HS6ST2: variants seen among roughly 807,000 people sequenced by gnomAD.
The protein encoded by HS6ST2 is heparan sulfate 6-O-sulfotransferase 2.
A neutral mutation model predicts 33.0 loss-of-function variants in HS6ST2; 17 were observed. That is an observed-to-expected ratio of 0.52 (90% CI 0.35 to 0.77). HS6ST2 has a LOEUF of 0.77. Ranked by LOEUF, HS6ST2 falls within the 30% of genes least tolerant of loss-of-function variation. The pLI is 0.01. For missense variants in HS6ST2, 519 were observed against 551.7 expected (o/e 0.94, Z 0.59); for synonymous variants, 248 against 237.1 (o/e 1.05, Z -0.42).
chrX:132,862,365 T>C (rs1406203617), intron 2 of HS6ST2, among the ~76,000 whole-genome samples: 1 of 112,104 alleles, frequency 8.9e-6, no homozygotes. Context: ...CAAATTTGGA[T>C]ACAAAAAGAG....
intron 4 of HS6ST2, among the ~76,000 whole-genome samples, chrX:132,642,220 G>A (rs936734271): frequency 9.0e-6 from 1 of 111,569 alleles, no homozygotes; most frequent in Non-Finnish European, 1.9e-5. Context: ...GACATGTGCT[G>A]TCTGGGAGGC....
At chrX:132,840,363 AT>A (rs758439928) in intron 2 of HS6ST2, among the ~76,000 whole-genome samples, 1 of 110,514 alleles carries the variant, frequency 9.0e-6, no homozygotes, top group Admixed American at 9.7e-5. Flanking sequence ...ATATTTTGGA[AT>A]GAGGCAAGCG....
At chrX:132,839,554 G>A (rs1430031231) in intron 2 of HS6ST2, among the ~76,000 whole-genome samples, 1 of 108,979 alleles carries the variant, frequency 9.2e-6, no homozygotes, top group East Asian at 2.9e-4. Flanking sequence ...GGGTGGGAGT[G>A]TGGGAAGGGG....
At position 132,890,856 on chromosome X, in the gene HS6ST2, A is replaced by G. The variant is rs774855941; in HGVS notation, c.947+65952T>C. Among the ~76,000 whole-genome samples, 48 of 111,281 alleles carry G rather than the reference A, an allele frequency of 4.3e-4. 1 individual carries two copies. The highest frequency in any genetic ancestry group is 1.5e-3 in the African/African-American group (46 of 30,644). Reference sequence around the variant, plus strand: ...TCTGCCTGGGCTTTGGCTGACAATCATCTGGAAAGTTATCTAAAAGGCCTA... The same window carrying G: ...TCTGCCTGGGCTTTGGCTGACAATCGTCTGGAAAGTTATCTAAAAGGCCTA... On this transcript the variant is annotated intron_variant, in intron 2 of 4. Coordinates refer to ENST00000370833, the MANE Select transcript of HS6ST2 (RefSeq NM_001394073.1).
intron 2 of HS6ST2, among the ~76,000 whole-genome samples, chrX:132,906,332 T>C (rs2148465795): frequency 8.9e-6 from 1 of 112,680 alleles, no homozygotes; most frequent in South Asian, 3.6e-4. Flanking sequence ...TGAAATGCAA[T>C]TGATTTTTGT....
At chrX:132,716,929 T>C (rs1300572022) in intron 2 of HS6ST2, among the ~76,000 whole-genome samples, 2 of 112,275 alleles carry the variant, frequency 1.8e-5, no homozygotes, top group Non-Finnish European at 1.9e-5. Context: ...GCTGCTACTC[T>C]ATGGAATCCA....
At chrX:132,924,174 A>T (rs1432956055) in intron 2 of HS6ST2, among the ~76,000 whole-genome samples, 1 of 112,111 alleles carries the variant, frequency 8.9e-6, no homozygotes, top group Non-Finnish European at 1.9e-5. Flanking sequence ...GTTGGAAACC[A>T]GGAATATTTA....
intron 2 of HS6ST2, among the ~76,000 whole-genome samples, chrX:132,846,984 C>T (rs1274364208): frequency 9.0e-6 from 1 of 111,123 alleles, no homozygotes; most frequent in Non-Finnish European, 1.9e-5. Context: ...AGGAGAGTTC[C>T]CTGAATTTGG....
At chrX:132,844,680 T>G (rs1459184141) in intron 2 of HS6ST2, among the ~76,000 whole-genome samples, 1 of 111,419 alleles carries the variant, frequency 9.0e-6, no homozygotes, top group Admixed American at 9.6e-5. Context: ...ATAAGTGGAA[T>G]CAACACCCAC....
intron 2 of HS6ST2, among the ~76,000 whole-genome samples, chrX:132,865,788 G>T (rs1245458753): frequency 2.7e-5 from 3 of 111,834 alleles, no homozygotes; most frequent in Non-Finnish European, 5.6e-5. Context: ...TTTGAGAAGT[G>T]TCTGTTCATG....
At chrX:132,825,422 C>T (rs928583421) in intron 2 of HS6ST2, among the ~76,000 whole-genome samples, 1 of 111,478 alleles carries the variant, frequency 9.0e-6, no homozygotes, top group Non-Finnish European at 1.9e-5. Context: ...TGAGGTGGTA[C>T]GTCAGCACTT....
upstream of HS6ST2, among the ~76,000 whole-genome samples, chrX:132,959,287 G>T (rs777883835): frequency 1.7e-4 from 19 of 112,302 alleles, no homozygotes; most frequent in Non-Finnish European, 3.2e-4. Flanking sequence ...GACCAGGAAT[G>T]CAGGGTTTAA....
chrX:132,814,233 C>T (rs949414016), intron 2 of HS6ST2, among the ~76,000 whole-genome samples: 2 of 112,011 alleles, frequency 1.8e-5, no homozygotes, highest in African/African-American at 3.2e-5. Flanking sequence ...CGTGAGCCAC[C>T]GTGCCTGGCC....
At chrX:132,760,322 G>T (rs1169713134) in intron 2 of HS6ST2, among the ~76,000 whole-genome samples, 1 of 110,955 alleles carries the variant, frequency 9.0e-6, no homozygotes, top group African/African-American at 3.3e-5. Context: ...TTGGTGGGAG[G>T]TAATTGAATC....
chrX:132,882,823 T>G (rs1472981511), intron 2 of HS6ST2, among the ~76,000 whole-genome samples: 1 of 111,073 alleles, frequency 9.0e-6, no homozygotes, highest in Non-Finnish European at 1.9e-5. Flanking sequence ...TTATTGAGAG[T>G]TTTTAGCATG....
At chrX:132,911,470 C>A (rs975979423) in intron 2 of HS6ST2, among the ~76,000 whole-genome samples, 45 of 111,755 alleles carry the variant, frequency 4.0e-4, no homozygotes, top group African/African-American at 1.4e-3. Context: ...AGCACATCAT[C>A]AGGCAAGGAC....
intron 4 of HS6ST2, among the ~76,000 whole-genome samples, chrX:132,641,487 A>T (rs189645): frequency 0.016 from 1,826 of 112,667 alleles, 26 homozygotes; most frequent in African/African-American, 0.054. Flanking sequence ...GCTTACGTTT[A>T]TCGCCTCCAG....
chrX:132,759,706 G>A (rs956514073), intron 2 of HS6ST2, among the ~76,000 whole-genome samples: 29 of 111,887 alleles, frequency 2.6e-4, no homozygotes, highest in Non-Finnish European at 3.4e-4. Flanking sequence ...TTTGGCAATG[G>A]AGAAACTTGT....
chrX:132,707,040 T>C (rs1467549151), intron 3 of HS6ST2, among the ~76,000 whole-genome samples: 3 of 112,506 alleles, frequency 2.7e-5, no homozygotes, highest in African/African-American at 9.7e-5. Flanking sequence ...TGCTTTGTTA[T>C]ACAGCAAAAC....
Sources: allele counts gnomAD v4.1 joint callset (sites outside exome capture counted in the v4.1 genomes callset), GRCh38; gene constraint gnomAD v4.1.1; transcripts MANE v1.5; gene names NCBI Gene and HGNC (gene_info 2026-07-23, HGNC 2026-07-21).